MCFD2: variants seen among roughly 807,000 people sequenced by gnomAD.
MCFD2 encodes multiple coagulation factor deficiency protein 2.
MCFD2 carries 11 observed loss-of-function variants against 12.8 expected under a neutral mutation model. The observed-to-expected ratio is 0.86, with a 90% CI of 0.54 to 1.42. The LOEUF (loss-of-function observed/expected upper bound fraction) is 1.42, where lower values mean the gene tolerates loss of function less well. Ranked by LOEUF, MCFD2 falls within the 40% of genes most tolerant of loss-of-function variation. The probability of loss-of-function intolerance (pLI) is 0.00; values close to 1 mark genes in which losing one functional copy is unlikely to be tolerated. For missense variants in MCFD2, 191 were observed against 178.6 expected (o/e 1.07, Z -0.40); for synonymous variants, 70 against 68.1 (o/e 1.03, Z -0.14).
chr2:46,933,856 G>A (rs1669832624), intron 1 of MCFD2, among the ~76,000 whole-genome samples: 2 of 152,164 alleles, frequency 1.3e-5, no homozygotes, highest in African/African-American at 4.8e-5. Context: ...CAGAGCACTG[G>A]TCAGAAATCT....
At position 46,941,847 on chromosome 2, in the gene MCFD2, C is replaced by T. The variant is rs949936786; in HGVS notation, c.-283G>A. 23 of 1,291,056 alleles carry T rather than the reference C, an allele frequency of 1.8e-5. No individual in the cohort carries two copies. In the African/African-American group the frequency reaches 1.9e-4, roughly 11 times the overall value. 80.0% of individuals were successfully genotyped at this position (1,291,056 alleles called of 1,614,324 possible). A position where few individuals can be genotyped will look rare whatever the true frequency, so the allele number is the denominator to read the frequency against. On this transcript the variant is annotated 5_prime_UTR_variant, in exon 1 of 3. Coordinates refer to the MCFD2 transcript ENST00000409147. The surrounding 1 kb of genome is among the most constrained non-coding windows in gnomAD (Gnocchi z 4.2). Reference sequence around the variant, plus strand: ...GCGCCTGCCAGCCCACCGTGCTAGTCTTAAGAGCAGCCAGGGCAGTTAGGA... The same window carrying T: ...GCGCCTGCCAGCCCACCGTGCTAGTTTTAAGAGCAGCCAGGGCAGTTAGGA...
At chr2:46,917,142 G>A, upstream of MCFD2, 1 of 699,740 alleles carries the variant, frequency 1.4e-6, no homozygotes, top group Admixed American at 2.0e-5. Flanking sequence ...CCATCCCAGA[G>A]AAAAATCCCA....
Position 46,905,188 on chromosome 2 carries a change from T to C in MCFD2, c.*275A>G, listed in dbSNP as rs886987440. Reference sequence around the variant, plus strand: ...CTTTTTCTTCCCAGTCTCGGGTACGTCTTTATCAGCAGCATTAATACAGAC... The same window carrying C: ...CTTTTTCTTCCCAGTCTCGGGTACGCCTTTATCAGCAGCATTAATACAGAC... On this transcript the variant is annotated 3_prime_UTR_variant, in exon 4 of 4. Coordinates refer to ENST00000319466, the MANE Select transcript of MCFD2 (RefSeq NM_139279.6). The C allele has an allele frequency of 1.6e-5, 7 of 433,462 alleles. No homozygotes were observed. The highest frequency in any genetic ancestry group is 3.0e-5 in the Non-Finnish European group (7 of 235,108). The allele number at this position is 433,462 out of a possible 1,614,324, so 26.9% of individuals were successfully genotyped here.
upstream of MCFD2, chr2:46,916,219 A>G (rs549419326): frequency 1.1e-6 from 1 of 946,072 alleles, no homozygotes; most frequent in East Asian, 1.2e-4. Context: ...GGGAAGAAAG[A>G]TAATAGGAAT....
In MCFD2 at chr2:46,908,733, G is replaced by C. The variant is rs952906959; in HGVS notation, c.149+290C>G. ...CTACTATGACTGTGTATGTGTACCT[G>C]TGTGTCTATTTGTATGTGTGTGTGT... On this transcript the variant is annotated intron_variant, in intron 2 of 3. Transcript: ENST00000319466. This position sits in a 1 kb window ranked among gnomAD's most constrained non-coding sequence, Gnocchi z 4.5. 6 of 478,188 alleles carry C rather than the reference G, an allele frequency of 1.3e-5. No individual in the cohort carries two copies. The highest frequency in any genetic ancestry group is 1.5e-5 in the Non-Finnish European group (4 of 260,322). 29.6% of individuals were successfully genotyped at this position (478,188 alleles called of 1,614,324 possible).
At chr2:46,911,536 AAAG>A (rs1375462831) in intron 1 of MCFD2, among the ~76,000 whole-genome samples, 1 of 152,212 alleles carries the variant, frequency 6.6e-6, no homozygotes, top group Non-Finnish European at 1.5e-5. Context: ...AGGCTGCAAA[AAAG>A]CAATAAAGAA....
At chr2:46,917,126 G>C (rs1668844194), upstream of MCFD2, 1 of 695,538 alleles carries the variant, frequency 1.4e-6, no homozygotes, top group African/African-American at 1.8e-5. Context: ...ATTGAAATCT[G>C]CCACCCCATC....
chr2:46,909,336 G>A (rs1006265961), intron 1 of MCFD2, among the ~76,000 whole-genome samples, 159 bp from the exon 2 acceptor site: 1 of 152,188 alleles, frequency 6.6e-6, no homozygotes, highest in African/African-American at 2.4e-5. Flanking sequence ...TTGAGACTGT[G>A]GGATGACCCT....
At chr2:46,915,915 G>C (rs566833573), upstream of MCFD2, 21 of 985,134 alleles carry the variant, frequency 2.1e-5, no homozygotes, top group South Asian at 8.0e-4. Context: ...TGTGAGGACG[G>C]CTCGCGTGAG....
rs1261767437 is a variant in MCFD2, at chr2:46,915,575, T to C, written c.-7+148A>G. The C allele has an allele frequency of 2.3e-5, 4 of 173,910 alleles. No homozygotes were observed. The South Asian group carries it at 5.7e-4, about 25-fold the overall frequency. The allele number at this position is 173,910 out of a possible 1,614,324, so 10.8% of individuals were successfully genotyped here. On this transcript the variant is annotated intron_variant, in intron 1 of 3. Transcript: ENST00000319466. ...TTCCGCCCCGGGAGACAGGCCGTGCTCCTAGCCGGTTAAGCGTCCCGAGAC... is the reference window on the plus strand; with the variant it reads ...TTCCGCCCCGGGAGACAGGCCGTGCCCCTAGCCGGTTAAGCGTCCCGAGAC...
rs924829960 is a variant in MCFD2 at position 46,941,385 on chromosome 2, C to A, written c.-8+187G>T. The stretch of plus-strand genomic sequence containing the variant: ...GCTGGTGCTGCTGCTGCTGCTGCTG[C>A]CCACCCTCCGCCGCCCGGGCCCCCG... On this transcript the variant is annotated intron_variant, in intron 1 of 2. Coordinates refer to the MCFD2 transcript ENST00000409147. This position sits in a 1 kb window ranked among gnomAD's most constrained non-coding sequence, Gnocchi z 4.2. 5 of 533,898 alleles carry A rather than the reference C, an allele frequency of 9.4e-6. No individual in the cohort carries two copies. Among genetic ancestry groups the A allele is most frequent in the African/African-American group, 2.0e-5 (1 of 49,566 alleles). 33.1% of individuals were successfully genotyped at this position (533,898 alleles called of 1,614,324 possible).
At position 46,915,805 on chromosome 2, in the gene MCFD2, C is replaced by CGGGGGGGGGGGGGGGGGCGGG; in HGVS notation, c.-90_-89insCCCGCCCCCCCCCCCCCCCCC. 2.7e-6 allele frequency: 1 copy of CGGGGGGGGGGGGGGGGGCGGG among 368,316 alleles called. No homozygotes were observed. The highest frequency in any genetic ancestry group is 3.1e-6 in the Non-Finnish European group (1 of 327,196). The allele number at this position is 368,316 out of a possible 1,614,324, so 22.8% of individuals were successfully genotyped here. A position where few individuals can be genotyped will look rare whatever the true frequency, so the allele number is the denominator to read the frequency against. On this transcript the variant is annotated 5_prime_UTR_variant, in exon 1 of 4. Transcript: ENST00000319466. The stretch of plus-strand genomic sequence containing the variant: ...TCCCCAAAACGCTCTTCCTCGGCTT[C>CGGGGGGGGGGGGGGGGGCGGG]GCCCCGCCCCCCCCCCCCCCCCGAC...
At chr2:46,930,662 G>A (rs1464208420) in intron 1 of MCFD2, among the ~76,000 whole-genome samples, 1 of 152,060 alleles carries the variant, frequency 6.6e-6, no homozygotes, top group East Asian at 1.9e-4. Context: ...ACCACGTGCA[G>A]CTAATTTTTG....
intron 1 of MCFD2, among the ~76,000 whole-genome samples, chr2:46,925,422 G>C (rs1438916761): frequency 1.3e-5 from 2 of 152,170 alleles, no homozygotes; most frequent in Non-Finnish European, 2.9e-5. Flanking sequence ...GCCGGGCATG[G>C]TGGTGGGCGC....
In MCFD2 at chr2:46,941,795, G is replaced by T. The variant is rs1038052550; in HGVS notation, c.-231C>A. Reference sequence around the variant, plus strand: ...ACGCACCGCCTCCTCCAGGAAGCGCGCCCAGACAGTCCTCGGCCGACAGCG... The same window carrying T: ...ACGCACCGCCTCCTCCAGGAAGCGCTCCCAGACAGTCCTCGGCCGACAGCG... On this transcript the variant is annotated 5_prime_UTR_variant, in exon 1 of 3. Coordinates refer to the MCFD2 transcript ENST00000409147. This position sits in a 1 kb window ranked among gnomAD's most constrained non-coding sequence, Gnocchi z 4.2. 1 of 1,533,038 alleles carries T rather than the reference G, an allele frequency of 6.5e-7. No individual in the cohort carries two copies. Among genetic ancestry groups the T allele is most frequent in the Non-Finnish European group, 8.8e-7 (1 of 1,134,986 alleles). The allele number at this position is 1,533,038 out of a possible 1,614,324, so 95.0% of individuals were successfully genotyped here.
At chr2:46,915,561 G>C (rs1668702267) in intron 1 of MCFD2, among the ~76,000 whole-genome samples, 162 bp downstream of exon 1, 1 of 152,176 alleles carries the variant, frequency 6.6e-6, no homozygotes, top group African/African-American at 2.4e-5. Context: ...TCCGCCCCGG[G>C]AGACAGGCCG....
intron 1 of MCFD2, among the ~76,000 whole-genome samples, chr2:46,936,098 A>G (rs1427327746): frequency 1.3e-5 from 2 of 152,204 alleles, no homozygotes; most frequent in Non-Finnish European, 2.9e-5. Flanking sequence ...CTCTAAAAAC[A>G]TAAAAAATAA....
At chr2:46,917,359 C>T, upstream of MCFD2, 2 of 596,422 alleles carry the variant, frequency 3.4e-6, no homozygotes, top group Non-Finnish European at 5.9e-6. Context: ...TTTCCTTACT[C>T]TGAACTTTGG....
chr2:46,917,078 CA>C (rs1668841145), upstream of MCFD2: 3 of 673,998 alleles, frequency 4.5e-6, no homozygotes, highest in East Asian at 2.7e-5. Context: ...ACGCCACTGC[CA>C]TTGACGGTCT....
Sources: gnomAD v4.1 joint callset for allele counts (sites outside exome capture counted in the v4.1 genomes callset) on GRCh38, gnomAD v4.1.1 for gene constraint, Gnocchi (gnomAD v3.1) non-coding constraint, MANE v1.5 for transcripts, NCBI Gene and HGNC (gene_info 2026-07-23, HGNC 2026-07-21) for gene names.